FBXO36: variants seen among roughly 807,000 people sequenced by gnomAD.
FBXO36 encodes the protein F-box only protein 36.
FBXO36 carries 18 observed loss-of-function variants against 17.0 expected under a neutral mutation model. The ratio of observed to expected loss-of-function variants is 1.06; its 90% CI spans 0.73 to 1.57. The LOEUF (loss-of-function observed/expected upper bound fraction) is 1.57, where lower values mean the gene tolerates loss of function less well. FBXO36 is among the 40% of genes most tolerant of loss of function. The pLI, the probability that FBXO36 is intolerant of heterozygous loss-of-function variation, is 0.00. For synonymous variants in FBXO36, 83 were observed against 85.3 expected (o/e 0.97, Z 0.15); for missense variants, 229 against 221.9 (o/e 1.03, Z -0.20).
intron 1 of FBXO36, among the ~76,000 whole-genome samples, chr2:229,968,825 G>A (rs1012188505): frequency 6.6e-6 from 1 of 152,122 alleles, no homozygotes; most frequent in Admixed American, 6.6e-5. Context: ...CCAGGCTGGA[G>A]TGCAGTGGTG....
intron 2 of FBXO36, among the ~76,000 whole-genome samples, chr2:229,994,911 C>A (rs1285669476): frequency 6.6e-6 from 1 of 151,698 alleles, no homozygotes; most frequent in Non-Finnish European, 1.5e-5. Context: ...GTCAGGAGTT[C>A]GAGACCAGCC....
At chr2:229,964,048 A>AT (rs796571178) in intron 1 of FBXO36, among the ~76,000 whole-genome samples, 12 of 149,524 alleles carry the variant, frequency 8.0e-5, no homozygotes, top group Admixed American at 2.0e-4. Flanking sequence ...AGACTTGTGA[A>AT]TTTTTTTTTT....
intron 1 of FBXO36, chr2:229,937,729 C>CCA (rs2076971635): frequency 6.6e-6 from 1 of 152,126 alleles, no homozygotes; most frequent in Non-Finnish European, 1.5e-5. Flanking sequence ...CTTACCAAGG[C>CCA]CACACCCTGC....
intron 1 of FBXO36, among the ~76,000 whole-genome samples, chr2:229,937,162 C>T (rs3856526): frequency 0.14 from 21,440 of 152,054 alleles, 1,621 homozygotes; most frequent in Admixed American, 0.2. Flanking sequence ...GTCCCACAAT[C>T]GTTGGAATAT....
chr2:229,931,783 G>T (rs973267234), intron 1 of FBXO36, among the ~76,000 whole-genome samples: 2 of 152,172 alleles, frequency 1.3e-5, no homozygotes, highest in African/African-American at 4.8e-5. Context: ...AAGTTGCAGT[G>T]AGCCAAGATC....
intron 1 of FBXO36, among the ~76,000 whole-genome samples, chr2:229,959,845 C>CA (rs529333643): frequency 0.019 from 2,677 of 141,454 alleles, 67 homozygotes; most frequent in African/African-American, 0.064. Flanking sequence ...GACTCCATCT[C>CA]AAAAAAAAAA....
At chr2:230,001,490 G>C (rs1249351906) in intron 3 of FBXO36, among the ~76,000 whole-genome samples, 2 of 152,086 alleles carry the variant, frequency 1.3e-5, no homozygotes, top group African/African-American at 2.4e-5. Context: ...GTTTCGCCAT[G>C]TTGTCCAGGC....
intron 2 of FBXO36, among the ~76,000 whole-genome samples, chr2:229,986,943 G>A (rs2077271503): frequency 6.6e-6 from 1 of 151,468 alleles, no homozygotes; most frequent in Non-Finnish European, 1.5e-5. Context: ...CTCTGGCTGG[G>A]CACAGTGGCT....
chr2:229,923,695 GT>G (rs1380135273), intron 1 of FBXO36, among the ~76,000 whole-genome samples: 4 of 151,666 alleles, frequency 2.6e-5, no homozygotes, highest in Admixed American at 2.0e-4. Flanking sequence ...TTTTAAAACA[GT>G]ACTGCTCCTT....
intron 1 of FBXO36, among the ~76,000 whole-genome samples, chr2:229,923,980 G>C (rs10174239): frequency 2.6e-5 from 4 of 151,038 alleles, no homozygotes; most frequent in Admixed American, 2.0e-4. Flanking sequence ...TCTTGATCTC[G>C]TGATCCGCCT....
intron 2 of FBXO36, among the ~76,000 whole-genome samples, chr2:229,984,077 C>T (rs1017875099): frequency 6.6e-6 from 1 of 152,220 alleles, no homozygotes; most frequent in Non-Finnish European, 1.5e-5. Flanking sequence ...AGGTTGGGCG[C>T]GGTGGCTCAC....
chr2:229,951,565 A>G (rs940130128), intron 1 of FBXO36, among the ~76,000 whole-genome samples: 2 of 152,212 alleles, frequency 1.3e-5, no homozygotes, highest in African/African-American at 2.4e-5. Context: ...TTTGTAAAGC[A>G]TTAAAGCAGA....
intron 2 of FBXO36, among the ~76,000 whole-genome samples, chr2:229,989,549 G>T: frequency 7.1e-6 from 1 of 141,826 alleles, no homozygotes; most frequent in Middle Eastern, 4.5e-3. Context: ...GAGCCACCAC[G>T]CCCGGCCATG....
intron 2 of FBXO36, among the ~76,000 whole-genome samples, chr2:229,995,364 T>G (rs1026491709): frequency 1.3e-5 from 2 of 152,144 alleles, no homozygotes; most frequent in Non-Finnish European, 2.9e-5. Context: ...GATTGGTTGA[T>G]TCTTTATGAA....
chr2:229,953,234 A>C (rs753239278), intron 1 of FBXO36, among the ~76,000 whole-genome samples: 16 of 152,060 alleles, frequency 1.1e-4, no homozygotes, highest in Non-Finnish European at 2.1e-4. Context: ...AGCTACTTGG[A>C]AGGCTGAAGC....
chr2:229,995,025 A>T (rs747918990), intron 2 of FBXO36, among the ~76,000 whole-genome samples: 2 of 152,058 alleles, frequency 1.3e-5, no homozygotes, highest in African/African-American at 2.4e-5. Flanking sequence ...GAGGCAGGAG[A>T]ATTGCTTGAA....
At chr2:229,980,351 G>A (rs1156640438) in intron 2 of FBXO36, among the ~76,000 whole-genome samples, 3 of 151,926 alleles carry the variant, frequency 2.0e-5, no homozygotes, top group South Asian at 2.1e-4. Context: ...TGTGAGCCAC[G>A]GCGCCCTGCC....
intron 1 of FBXO36, among the ~76,000 whole-genome samples, chr2:229,947,607 T>A (rs1004620425): frequency 2.6e-5 from 4 of 152,232 alleles, no homozygotes; most frequent in African/African-American, 4.8e-5. Context: ...GCAGAGAGCT[T>A]TCTTATTAGA....
At chr2:229,957,848 A>G (rs1160463057) in intron 1 of FBXO36, among the ~76,000 whole-genome samples, 1 of 152,184 alleles carries the variant, frequency 6.6e-6, no homozygotes, top group Non-Finnish European at 1.5e-5. Flanking sequence ...AGTTCCTTCT[A>G]GCTGTGCCCT....
Sources: gnomAD v4.1 joint callset for allele counts (sites outside exome capture counted in the v4.1 genomes callset) on GRCh38, gnomAD v4.1.1 for gene constraint, MANE v1.5 for transcripts, NCBI Gene and HGNC (gene_info 2026-07-23, HGNC 2026-07-21) for gene names.